The following TMOD2 variants were observed in gnomAD, a reference collection of about 807,000 sequenced individuals.
The protein encoded by TMOD2 is tropomodulin-2.
Under a neutral mutation model 39.9 loss-of-function variants are expected in TMOD2, and 22 were observed. The observed-to-expected ratio is 0.55, with a 90% CI of 0.39 to 0.79. TMOD2 has a LOEUF of 0.79. Among genes scored for constraint, TMOD2 ranks in the 30% least tolerant of loss-of-function variants. The pLI, the probability that TMOD2 is intolerant of heterozygous loss-of-function variation, is 0.00. For missense variants in TMOD2, 386 were observed against 413.3 expected (o/e 0.93, Z 0.57); for synonymous variants, 123 against 146.1 (o/e 0.84, Z 1.14).
intron 1 of TMOD2, among the ~76,000 whole-genome samples, chr15:51,762,252 T>C (rs1236156926): frequency 6.6e-6 from 1 of 151,008 alleles, no homozygotes; most frequent in African/African-American, 2.4e-5. Flanking sequence ...AAGACTGGAG[T>C]TGGAGACCAG....
At chr15:51,762,670 C>T (rs1301158875) in intron 1 of TMOD2, among the ~76,000 whole-genome samples, 1 of 152,102 alleles carries the variant, frequency 6.6e-6, no homozygotes, top group Non-Finnish European at 1.5e-5. Context: ...CCAAAAGGTT[C>T]CCCATGCCCC....
At chr15:51,797,586 T>C (rs906121545) in intron 7 of TMOD2, among the ~76,000 whole-genome samples, 2 of 152,176 alleles carry the variant, frequency 1.3e-5, no homozygotes, top group Admixed American at 1.3e-4. Context: ...TATTTCTTCC[T>C]GGTGGTGGGA....
At chr15:51,756,788 C>T (rs1295605229) in intron 1 of TMOD2, among the ~76,000 whole-genome samples, 1 of 152,238 alleles carries the variant, frequency 6.6e-6, no homozygotes, top group African/African-American at 2.4e-5. Context: ...TGAGACTTCT[C>T]CTTATCCCGC....
intron 8 of TMOD2, 115 bp from the exon 9 acceptor site, chr15:51,806,262 G>T: frequency 8.5e-7 from 1 of 1,174,704 alleles, no homozygotes; most frequent in Non-Finnish European, 1.2e-6. Context: ...TTCAGTTTGA[G>T]ACCTTTGCCT....
At chr15:51,775,752 A>AT (rs2055883987) in intron 4 of TMOD2, among the ~76,000 whole-genome samples, 1 of 151,090 alleles carries the variant, frequency 6.6e-6, no homozygotes, top group Non-Finnish European at 1.5e-5. Flanking sequence ...TAATTTTTCT[A>AT]TTTTTTGTAG....
rs529025736 is a variant in TMOD2, at chr15:51,814,655, C to T, written c.*6201C>T. The T allele has an allele frequency of 6.6e-6, 1 of 152,342 alleles. No homozygotes were observed. Among genetic ancestry groups the T allele is most frequent in the Admixed American group, 6.5e-5 (1 of 15,310 alleles). The allele number at this position is 152,342 out of a possible 1,614,324, so 9.4% of individuals were successfully genotyped here. The stretch of plus-strand genomic sequence containing the variant: ...GAAACAATAGTGATTTGGATGCCAG[C>T]TCTATGTGACTTTGGGCAAGACTCT... On this transcript the variant is annotated 3_prime_UTR_variant, in exon 10 of 10. Transcript: ENST00000249700.
chr15:51,774,071 A>G (rs1247958766), intron 4 of TMOD2, among the ~76,000 whole-genome samples: 1 of 152,226 alleles, frequency 6.6e-6, no homozygotes, highest in African/African-American at 2.4e-5. Context: ...TTACTGTGAG[A>G]AATTAAAGCA....
chr15:51,791,764 C>G (rs181574376), intron 7 of TMOD2, among the ~76,000 whole-genome samples: 102 of 152,300 alleles, frequency 6.7e-4, no homozygotes, highest in Non-Finnish European at 4.4e-5. Flanking sequence ...GAAAAGATTC[C>G]CTATTTAATA....
intron 1 of TMOD2, among the ~76,000 whole-genome samples, chr15:51,764,020 T>C (rs2055799125): frequency 6.6e-6 from 1 of 151,970 alleles, no homozygotes; most frequent in Non-Finnish European, 1.5e-5. Flanking sequence ...TAGGATCCAA[T>C]TGGTTTCTCT....
chr15:51,815,196 A>G lies in TMOD2; in HGVS notation c.*6742A>G. 6.6e-6 allele frequency: 1 copy of G among 152,654 alleles called. No individual in the cohort carries two copies. The allele number at this position is 152,654 out of a possible 1,614,324, so 9.5% of individuals were successfully genotyped here. ...AAAATCGCTTGAACCCAGGAGGTGGAGGTTGTAGTGAGCCGAGATCACACC... is the reference window on the plus strand; with the variant it reads ...AAAATCGCTTGAACCCAGGAGGTGGGGGTTGTAGTGAGCCGAGATCACACC... On this transcript the variant is annotated 3_prime_UTR_variant, in exon 10 of 10. Transcript: ENST00000249700.
At chr15:51,775,570 C>CTTTTTTTTTTTTTTTTTTTTTTTTTT (rs869308022) in intron 4 of TMOD2, among the ~76,000 whole-genome samples, 2 of 81,210 alleles carry the variant, frequency 2.5e-5, no homozygotes, top group African/African-American at 1.0e-4. Flanking sequence ...ATTCTTTTTC[C>CTTTTTTTTTTTTTTTTTTTTTTTTTT]TTTTTTTTTT....
At chr15:51,783,055 CAAGAT>C in intron 7 of TMOD2, 1 of 516,272 alleles carries the variant, frequency 1.9e-6, no homozygotes, top group East Asian at 3.5e-5. Context: ...GAGAAAGAAA[CAAGAT>C]AAGTTTGGCA....
chr15:51,769,176 T>A (rs1192041762), intron 3 of TMOD2, among the ~76,000 whole-genome samples: 1 of 152,236 alleles, frequency 6.6e-6, no homozygotes, highest in African/African-American at 2.4e-5. Flanking sequence ...CAAATTAGTT[T>A]AGTGAAAACA....
intron 3 of TMOD2, among the ~76,000 whole-genome samples, chr15:51,769,254 G>C (rs2055837530): frequency 1.3e-5 from 2 of 152,176 alleles, no homozygotes; most frequent in Non-Finnish European, 2.9e-5. Flanking sequence ...CTAGGCACTG[G>C]TGTATTTCTC....
chr15:51,802,459 A>G (rs562964275), intron 8 of TMOD2, among the ~76,000 whole-genome samples: 17 of 152,336 alleles, frequency 1.1e-4, no homozygotes, highest in African/African-American at 4.1e-4. Flanking sequence ...TTATTGCAAA[A>G]CAAAGCAGCT....
intron 3 of TMOD2, among the ~76,000 whole-genome samples, chr15:51,771,886 A>G (rs1192287698): frequency 6.6e-6 from 1 of 152,170 alleles, no homozygotes; most frequent in Non-Finnish European, 1.5e-5. Flanking sequence ...TTTCTGAGAA[A>G]TGTGGCAGCT....
chr15:51,770,261 C>A (rs2055844287), intron 3 of TMOD2, among the ~76,000 whole-genome samples: 1 of 152,160 alleles, frequency 6.6e-6, no homozygotes, highest in Admixed American at 6.5e-5. Flanking sequence ...CGCATGTCCC[C>A]ATTTTTCACA....
chr15:51,784,837 T>G (rs1200830379), intron 7 of TMOD2: 1 of 152,226 alleles, frequency 6.6e-6, no homozygotes, highest in Admixed American at 6.5e-5. Flanking sequence ...ATTTGTCACT[T>G]CTGTTTCATA....
At chr15:51,770,238 CT>C (rs1325879496) in intron 3 of TMOD2, among the ~76,000 whole-genome samples, 1 of 152,170 alleles carries the variant, frequency 6.6e-6, no homozygotes, top group African/African-American at 2.4e-5. Context: ...TTCTCATGTA[CT>C]CTTCCTTCTG....
Sources: gnomAD v4.1 joint callset for allele counts (sites outside exome capture counted in the v4.1 genomes callset) on GRCh38, gnomAD v4.1.1 for gene constraint, MANE v1.5 for transcripts, NCBI Gene and HGNC (gene_info 2026-07-23, HGNC 2026-07-21) for gene names.